Variants in LRRC27 observed in about 807,000 individuals in gnomAD.
The protein encoded by LRRC27 is leucine-rich repeat-containing protein 27.
In LRRC27, 57 loss-of-function variants were observed where a neutral mutation model predicts 55.0. The ratio of observed to expected loss-of-function variants is 1.04; its 90% confidence interval spans 0.84 to 1.29. LRRC27 has a LOEUF of 1.29. LRRC27 is among the 50% of genes most tolerant of loss of function. The pLI, the probability that LRRC27 is intolerant of heterozygous loss-of-function variation, is 0.00. For synonymous variants in LRRC27, 278 were observed against 251.9 expected (o/e 1.10, Z -0.98); for missense variants, 721 against 651.5 (o/e 1.11, Z -1.16).
chr10:132,344,450 C>A, intron 4 of LRRC27, 48 bp from the exon 5 acceptor site: 1 of 1,531,232 alleles, frequency 6.5e-7, no homozygotes. Context: ...ATTTTCATTT[C>A]AAGAATGGTA....
intron 7 of LRRC27, among the ~76,000 whole-genome samples, chr10:132,354,775 C>T (rs2068229809): frequency 6.6e-6 from 1 of 152,130 alleles, no homozygotes; most frequent in African/African-American, 2.4e-5. Context: ...GGCCTGGGGC[C>T]CAGGCGTCCA....
At chr10:132,361,929 C>G (rs976165793) in intron 9 of LRRC27, among the ~76,000 whole-genome samples, 10 of 152,172 alleles carry the variant, frequency 6.6e-5, no homozygotes, top group African/African-American at 2.4e-4. Flanking sequence ...CCGTGCCCTC[C>G]CCACCTCACC....
intron 6 of LRRC27, among the ~76,000 whole-genome samples, chr10:132,350,218 C>T (rs1186528808): frequency 1.3e-5 from 2 of 152,208 alleles, no homozygotes; most frequent in Admixed American, 1.3e-4. Flanking sequence ...ATGGTCTGGT[C>T]CTGAAATCCC....
chr10:132,344,701 T>C (rs2138701054), intron 5 of LRRC27, 51 bp downstream of exon 5: 2 of 1,596,284 alleles, frequency 1.3e-6, no homozygotes, highest in Admixed American at 1.7e-5. Flanking sequence ...AAGTTACAGC[T>C]TTTTAAAATC....
chr10:132,364,495 ACCCTTACATCTACCTCCACACTCG>A (rs1564853723), intron 9 of LRRC27, among the ~76,000 whole-genome samples: 112 of 1,790 alleles, frequency 0.063, 16 homozygotes, highest in East Asian at 0.37. Flanking sequence ...ACTTACACCC[ACCCTTACATCTACCTCCACACTCG>A]CACTTACACC....
intron 7 of LRRC27, chr10:132,353,545 G>A (rs2068168377): frequency 9.0e-6 from 5 of 558,446 alleles, no homozygotes; most frequent in Middle Eastern, 1.8e-3. Flanking sequence ...TGAATGAGGT[G>A]AAGTCCTCAG....
At chr10:132,355,493 T>C (rs1326877700) in intron 7 of LRRC27, among the ~76,000 whole-genome samples, 1 of 152,182 alleles carries the variant, frequency 6.6e-6, no homozygotes, top group East Asian at 1.9e-4. Flanking sequence ...TGCCCTTACC[T>C]GAAAGGGGTC....
rs936680021 is a variant in LRRC27, at chr10:132,346,679, A to G, written c.554-1305A>G. 2.6e-5 allele frequency among the ~76,000 whole-genome samples: 4 copies of G among 152,154 alleles called. No individual in the cohort carries two copies. The South Asian group carries it at 6.2e-4, about 24-fold the overall frequency. On this transcript the variant is annotated intron_variant, in intron 5 of 10. Transcript: ENST00000368614. ...GATTCCGTCTTAAAAAAATAAATAA[A>G]TAAATAAAAGTCTTTTTGCTGTATC...
At chr10:132,368,566 C>T (rs564412351) in intron 10 of LRRC27, among the ~76,000 whole-genome samples, 3 of 152,264 alleles carry the variant, frequency 2.0e-5, no homozygotes, top group East Asian at 1.9e-4. Context: ...GTGGAGAAAG[C>T]GTAGTCTTCA....
chr10:132,344,202 T>C (rs2067561347), intron 4 of LRRC27, among the ~76,000 whole-genome samples: 1 of 152,216 alleles, frequency 6.6e-6, no homozygotes, highest in African/African-American at 2.4e-5. Context: ...GCATTTTAGA[T>C]AATATAGCGA....
chr10:132,365,671 G>C (rs770456863), intron 10 of LRRC27, 121 bp downstream of exon 10: 5 of 1,264,978 alleles, frequency 4.0e-6, no homozygotes, highest in Non-Finnish European at 5.3e-6. Flanking sequence ...GCACAATCTC[G>C]GCTCCCTGCA....
chr10:132,366,358 GCTCACGGAAGTGGCTC>G (rs537325433), intron 10 of LRRC27: 1 of 152,654 alleles, frequency 6.6e-6, no homozygotes, highest in East Asian at 1.9e-4. Context: ...AAGCAGAACT[GCTCACGGAAGTGGCTC>G]CTATATATTT....
chr10:132,359,796 A>G lies in LRRC27; in HGVS notation c.1171-1661A>G, dbSNP rs539648699. Among the ~76,000 whole-genome samples, 12 of 152,364 alleles carry G rather than the reference A, an allele frequency of 7.9e-5. No individual in the cohort carries two copies. In the South Asian group the frequency reaches 2.5e-3, roughly 32 times the overall value. On this transcript the variant is annotated intron_variant, in intron 8 of 10. Coordinates refer to ENST00000368614, the MANE Select transcript of LRRC27 (RefSeq NM_030626.3). The stretch of plus-strand genomic sequence containing the variant: ...TCTTCATGTCACTCTGAAACCAGCC[A>G]TGACTTGAGCCCATATTTTGGGCTT...
At chr10:132,331,291 G>T, upstream of LRRC27, 1 of 747,740 alleles carries the variant, frequency 1.3e-6, no homozygotes, top group South Asian at 1.9e-5. Context: ...GGGACAGAGG[G>T]TGCTACTTTT....
intron 10 of LRRC27, chr10:132,366,959 G>A: frequency 2.3e-6 from 3 of 1,279,862 alleles, no homozygotes; most frequent in Non-Finnish European, 3.1e-6. Context: ...CTCAGCCCAA[G>A]GAGTTTGTAT....
intron 7 of LRRC27, among the ~76,000 whole-genome samples, chr10:132,355,494 G>A (rs2068264452): frequency 6.6e-6 from 1 of 152,226 alleles, no homozygotes; most frequent in Non-Finnish European, 1.5e-5. Flanking sequence ...GCCCTTACCT[G>A]AAAGGGGTCC....
rs376633138 is a variant in LRRC27 at position 132,333,667 on chromosome 10, C to T, written c.143C>T (p.Pro48Leu). ...GGAGGCATCATCTTTTCCTCCTCAC[C>T]GATTTTAGACTTGAGTGAAAGTGGT... ...GVGGIIFSSS[P>L]ILDLSESGLC... Residue 48 changes from proline (P) to leucine (L), a missense_variant, in exon 2 of 11, where the codon CCG (proline) becomes CTG (leucine). Transcript: ENST00000368614. 30 of 1,613,720 alleles carry T rather than the reference C, an allele frequency of 1.9e-5. No homozygotes were observed. Among genetic ancestry groups the T allele is most frequent in the Middle Eastern group, 1.7e-4 (1 of 5,742 alleles).
intron 2 of LRRC27, chr10:132,336,802 G>T (rs1267418923): frequency 2.6e-6 from 2 of 770,190 alleles, no homozygotes; most frequent in African/African-American, 3.4e-5. Context: ...AGGAAATACA[G>T]ATATGGATAT....
chr10:132,364,697 G>A (rs562093402), intron 9 of LRRC27, among the ~76,000 whole-genome samples: 560 of 7,532 alleles, frequency 0.074, 45 homozygotes, highest in Non-Finnish European at 0.07. Context: ...CGTCCACACC[G>A]TGGGGCCCCA....
Sources: allele counts gnomAD v4.1 joint callset (sites outside exome capture counted in the v4.1 genomes callset), GRCh38; gene constraint gnomAD v4.1.1; transcripts MANE v1.5; gene names NCBI Gene and HGNC (gene_info 2026-07-23, HGNC 2026-07-21).